PLAUR: variants seen among roughly 807,000 people sequenced by gnomAD.
PLAUR encodes plasminogen activator, urokinase receptor.
A neutral mutation model predicts 33.4 loss-of-function variants in PLAUR; 22 were observed. The observed-to-expected ratio is 0.66, with a 90% confidence interval of 0.47 to 0.94. The LOEUF (loss-of-function observed/expected upper bound fraction) is 0.94, where lower values mean the gene tolerates loss of function less well. Among genes scored for constraint, PLAUR ranks in the 40% least tolerant of loss-of-function variants. The probability of loss-of-function intolerance (pLI) is 0.00; values close to 1 mark genes in which losing one functional copy is unlikely to be tolerated. For missense variants in PLAUR, 408 were observed against 434.7 expected (o/e 0.94, Z 0.55); for synonymous variants, 148 against 167.3 (o/e 0.88, Z 0.89).
intron 6 of PLAUR, among the ~76,000 whole-genome samples, chr19:43,650,464 T>C (rs1394956316): frequency 6.6e-6 from 1 of 151,758 alleles, no homozygotes; most frequent in Non-Finnish European, 1.5e-5. Context: ...CAGCTGGGAC[T>C]ACAGGCATGC....
In PLAUR at chr19:43,664,547, C is replaced by T. The variant is rs139308364; in HGVS notation, c.310+769G>A. Among the ~76,000 whole-genome samples the T allele has an allele frequency of 5.9e-5, 9 of 152,344 alleles. 2 individuals carry two copies. Among genetic ancestry groups the T allele is most frequent in the Admixed American group, 3.9e-4 (6 of 15,292 alleles). On this transcript the variant is annotated intron_variant, in intron 3 of 6. Coordinates refer to ENST00000340093, the MANE Select transcript of PLAUR (RefSeq NM_002659.4). ...CTGGTCTTAAACTCTTGGGCTCAAG[C>T]GGTTCTCCCGCCTTGGTCTCCCAAA...
chr19:43,669,058 C>T (rs978034419), intron 1 of PLAUR, among the ~76,000 whole-genome samples: 1 of 152,234 alleles, frequency 6.6e-6, no homozygotes, highest in African/African-American at 2.4e-5. Flanking sequence ...TACTCATTCC[C>T]GGCCTCCCGC....
At position 43,655,546 on chromosome 19, in the gene PLAUR, C is replaced by T. The variant is rs1157998153; in HGVS notation, c.500G>A (p.Arg167His). ...GCAGCCGGGAAGGTAGCCACAGCCA[C>T]GGAGGTGGCGGTCATCCTTTGGACG... ...EGRPKDDRHL[R>H]GCGYLPGCPG... The change falls in exon 5 of 7, where the codon CGT (arginine) becomes CAT (histidine). Residue 167 changes from arginine to histidine, a missense_variant. Coordinates refer to ENST00000340093, the MANE Select transcript of PLAUR (RefSeq NM_002659.4). 5.6e-6 allele frequency: 9 copies of T among 1,614,024 alleles called. No individual in the cohort carries two copies. The highest frequency in any genetic ancestry group is 1.6e-4 in the Middle Eastern group (1 of 6,084).
At chr19:43,649,486 G>A (rs1973899495) in intron 6 of PLAUR, among the ~76,000 whole-genome samples, 1 of 145,976 alleles carries the variant, frequency 6.9e-6, no homozygotes, top group Non-Finnish European at 1.5e-5. Context: ...GCTGTGGTGA[G>A]TTATGATCAC....
intron 3 of PLAUR, chr19:43,660,558 T>G (rs1460806678): frequency 6.6e-6 from 1 of 151,586 alleles, no homozygotes; most frequent in Non-Finnish European, 1.5e-5. Context: ...ATCCTGCTAC[T>G]GATCATCACA....
At position 43,652,290 on chromosome 19, in the gene PLAUR, T is replaced by C. The variant is rs766308600; in HGVS notation, c.689A>G (p.Glu230Gly). ...TCGGCAGTCAATGAGGAAAGTCTCTTCAGAGGAGCATCCATGGGTGCTGTT... is the reference window on the plus strand; with the variant it reads ...TCGGCAGTCAATGAGGAAAGTCTCTCCAGAGGAGCATCCATGGGTGCTGTT... ...KGNSTHGCSS[E>G]ETFLIDCRGP... The change falls in exon 6 of 7, where the codon GAA becomes GGA. Residue 230 changes from glutamate (E) to glycine (G), a missense_variant. By Grantham distance (98) the Glu-to-Gly change is moderately conservative. Coordinates refer to ENST00000340093, the MANE Select transcript of PLAUR (RefSeq NM_002659.4). 4 of 1,614,144 alleles carry C rather than the reference T, an allele frequency of 2.5e-6. No homozygotes were observed. In the Admixed American group the frequency reaches 6.7e-5, roughly 27 times the overall value.
chr19:43,667,641 C>T lies in PLAUR; in HGVS notation c.106G>A (p.Val36Met), dbSNP rs1413263791. The T allele has an allele frequency of 6.2e-7, 1 of 1,614,082 alleles. No individual in the cohort carries two copies. The highest frequency in any genetic ancestry group is 2.2e-5 in the East Asian group (1 of 44,870). ...MQCKTNGDCR[V>M]EECALGQDLC... is the part of the protein sequence containing the mutation. ...TCCTGTCCCAGGGCGCACTCTTCCA[C>T]ACGGCAATCCCCGTTGGTCTTACAC... Residue 36 changes from valine (V) to methionine (M), a missense_variant, in exon 2 of 7, where the codon GTG becomes ATG. Transcript: ENST00000340093.
chr19:43,659,700 A>G (rs1974363351), intron 3 of PLAUR, among the ~76,000 whole-genome samples: 1 of 152,122 alleles, frequency 6.6e-6, no homozygotes, highest in Non-Finnish European at 1.5e-5. Flanking sequence ...CACGCGTCCA[A>G]GGCGGCCCCA....
Position 43,649,006 on chromosome 19 carries a change from G to T in PLAUR, c.892C>A (p.Leu298Met). 6.2e-7 allele frequency: 1 copy of T among 1,614,244 alleles called. No individual in the cohort carries two copies. Among genetic ancestry groups the T allele is most frequent in the Non-Finnish European group, 8.5e-7 (1 of 1,180,036 alleles). The change falls in exon 7 of 7, where the codon CTG becomes ATG. Residue 298 changes from leucine to methionine, a missense_variant. By Grantham distance (15) the Leu-to-Met change is conservative. Coordinates refer to ENST00000340093, the MANE Select transcript of PLAUR (RefSeq NM_002659.4). ...GCCCCACTGCGGTACTGGACATCCA[G>T]GTCTGGGTGGTTACAGCCACTTTTA... is the stretch of plus-strand genomic sequence containing the variant. ...CTKSGCNHPD[L>M]DVQYRSGAAP...
chr19:43,669,443 C>T (rs1038353282), intron 1 of PLAUR, among the ~76,000 whole-genome samples: 6 of 152,116 alleles, frequency 3.9e-5, no homozygotes, highest in Admixed American at 1.3e-4. Flanking sequence ...GTTTCCTCTG[C>T]GAAACGAAAT....
At chr19:43,649,217 C>T (rs1973890983) in intron 6 of PLAUR, 74 bp from the exon 7 acceptor site, 2 of 1,532,260 alleles carry the variant, frequency 1.3e-6, no homozygotes, top group Non-Finnish European at 1.8e-6. Context: ...AGGTGACCTG[C>T]CACCTTGCAG....
At chr19:43,651,993 C>A in intron 6 of PLAUR, 1 of 1,283,926 alleles carries the variant, frequency 7.8e-7, no homozygotes, top group Non-Finnish European at 1.0e-6. Flanking sequence ...GCTGAGAGTA[C>A]AAGCTTCAGC....
At chr19:43,655,952 A>G (rs1263643357) in intron 4 of PLAUR, among the ~76,000 whole-genome samples, 1 of 152,008 alleles carries the variant, frequency 6.6e-6, no homozygotes, top group Non-Finnish European at 1.5e-5. Flanking sequence ...AATGGAAGTA[A>G]TGTGTAAGAA....
chr19:43,648,300 C>T (rs1381660484), downstream of PLAUR, among the ~76,000 whole-genome samples: 2 of 152,022 alleles, frequency 1.3e-5, no homozygotes, highest in East Asian at 1.9e-4. Flanking sequence ...CTCAGCCTCC[C>T]GAATAGCTGG....
intron 3 of PLAUR, among the ~76,000 whole-genome samples, chr19:43,659,373 G>A (rs1389859456): frequency 2.6e-5 from 4 of 151,742 alleles, no homozygotes; most frequent in African/African-American, 4.8e-5. Context: ...GGCTAGTCTC[G>A]AACTCCTGGA....
rs565006959 is a variant in PLAUR at position 43,651,438 on chromosome 19, T to C, written c.754+787A>G. Reference sequence around the variant, plus strand: ...AATCACTGATATAAACAATAAAGAGTTTTTTTTTTTTTTTGAGACAAAGTC... The same window carrying C: ...AATCACTGATATAAACAATAAAGAGCTTTTTTTTTTTTTTGAGACAAAGTC... On this transcript the variant is annotated intron_variant, in intron 6 of 6. Coordinates refer to ENST00000340093, the MANE Select transcript of PLAUR (RefSeq NM_002659.4). Among the ~76,000 whole-genome samples the C allele has an allele frequency of 2.4e-5, 3 of 123,438 alleles. No homozygotes were observed. In the East Asian group the frequency reaches 6.3e-4, roughly 26 times the overall value. The allele number at this position is 123,438 out of a possible 152,430, so 81.0% of individuals were successfully genotyped here.
In PLAUR at chr19:43,665,600, T is replaced by G; in HGVS notation, c.167-141A>C. ...TTATTTGAGTCGAACTCTGTCTTTT[T>G]CTAGAGTTAACCTTGCCTCCACCCC... On this transcript the variant is annotated intron_variant, in intron 2 of 6. Coordinates refer to ENST00000340093, the MANE Select transcript of PLAUR (RefSeq NM_002659.4). The G allele has an allele frequency of 8.5e-6, 6 of 704,452 alleles. No individual in the cohort carries two copies. In the South Asian group the frequency reaches 1.4e-4, roughly 16 times the overall value. 43.6% of individuals were successfully genotyped at this position (704,452 alleles called of 1,614,324 possible).
chr19:43,665,838 A>G (rs1159879341), intron 2 of PLAUR, among the ~76,000 whole-genome samples: 1 of 148,088 alleles, frequency 6.8e-6, no homozygotes, highest in Non-Finnish European at 1.5e-5. Context: ...TAATTTTTAA[A>G]TTTTTTATAC....
rs1165713867 is a variant in PLAUR at position 43,648,935 on chromosome 19, C to T, written c.963G>A (p.Leu321=). The T allele has an allele frequency of 6.2e-7, 1 of 1,614,122 alleles. No individual in the cohort carries two copies. The highest frequency in any genetic ancestry group is 2.2e-5 in the East Asian group (1 of 44,870). The change falls in exon 7 of 7, where the codon CTG becomes CTA. Residue 321 remains leucine (L), a synonymous_variant. Transcript: ENST00000340093. ...GPAHLSLTIT[L]LMTARLWGGT... ...CTCCCCACAGTCTGGCAGTCATTAGCAGGGTGATGGTGAGGCTGAGATGGG... is the reference window on the plus strand; with the variant it reads ...CTCCCCACAGTCTGGCAGTCATTAGTAGGGTGATGGTGAGGCTGAGATGGG...
Sources: allele counts gnomAD v4.1 joint callset (sites outside exome capture counted in the v4.1 genomes callset), GRCh38; gene constraint gnomAD v4.1.1; transcripts MANE v1.5; gene names NCBI Gene and HGNC (gene_info 2026-07-23, HGNC 2026-07-21).